CDH11: variants seen among roughly 807,000 people sequenced by gnomAD.
CDH11 encodes cadherin 11, also known as cadherin-11.
Under a neutral mutation model 67.8 loss-of-function variants are expected in CDH11, and 11 were observed. That is an observed-to-expected ratio of 0.16 (90% CI 0.10 to 0.27). The LOEUF (loss-of-function observed/expected upper bound fraction) is 0.27. Ranked by LOEUF, CDH11 falls within the 10% of genes least tolerant of loss-of-function variation. CDH11 has a pLI of 1.00. For missense variants in CDH11, 847 were observed against 1,031.2 expected, an observed-to-expected ratio of 0.82 and a Z score of 2.45; for synonymous variants, 419 against 400.0, an observed-to-expected ratio of 1.05 and a Z score of -0.57.
intron 11 of CDH11, among the ~76,000 whole-genome samples, chr16:64,962,710 C>T (rs1046219392): frequency 5.3e-5 from 8 of 152,126 alleles, no homozygotes; most frequent in Non-Finnish European, 1.0e-4. Context: ...TTTTGAAATA[C>T]GCCAGAGCAT....
rs541556413 is a variant in CDH11 at position 64,976,553 on chromosome 16, C to T, written c.1254-3513G>A. Among the ~76,000 whole-genome samples the T allele has an allele frequency of 5.9e-5, 9 of 152,246 alleles. No individual in the cohort carries two copies. In the East Asian group the frequency reaches 1.7e-3, roughly 29 times the overall value. ...AATTAGGAAGGGAAGATAAAAGACCCATTAGATAAAAAGTTTGGAGGCCTT... is the reference window on the plus strand; with the variant it reads ...AATTAGGAAGGGAAGATAAAAGACCTATTAGATAAAAAGTTTGGAGGCCTT... On this transcript the variant is annotated intron_variant, in intron 8 of 12. Transcript: ENST00000268603.
At chr16:65,078,028 T>C (rs183775870) in intron 1 of CDH11, among the ~76,000 whole-genome samples, 1 of 152,356 alleles carries the variant, frequency 6.6e-6, no homozygotes, top group East Asian at 1.9e-4. Flanking sequence ...ATTTGTGAAC[T>C]ATGATCACTT....
chr16:65,089,475 G>A (rs773005981), intron 1 of CDH11, among the ~76,000 whole-genome samples: 3 of 151,954 alleles, frequency 2.0e-5, no homozygotes, highest in Admixed American at 6.6e-5. Flanking sequence ...AACTATGAAA[G>A]AATGGTAAAA....
intron 2 of CDH11, among the ~76,000 whole-genome samples, chr16:65,033,103 C>T (rs1200099916): frequency 1.3e-5 from 2 of 152,142 alleles, no homozygotes; most frequent in Non-Finnish European, 2.9e-5. Flanking sequence ...CTGCCCATTA[C>T]GTGAAGCTTA....
intron 2 of CDH11, among the ~76,000 whole-genome samples, chr16:65,026,190 T>C (rs2073530712): frequency 6.6e-6 from 1 of 152,136 alleles, no homozygotes; most frequent in Non-Finnish European, 1.5e-5. Context: ...CTAATTAGCT[T>C]TTTTAATTGA....
intron 3 of CDH11, among the ~76,000 whole-genome samples, chr16:65,003,269 A>AT (rs1168981184): frequency 7.3e-5 from 11 of 151,312 alleles, no homozygotes; most frequent in Admixed American, 7.3e-4. Context: ...TTATTCATTC[A>AT]TTTTTTGAGA....
At position 64,982,265 on chromosome 16, in the gene CDH11, T is replaced by C. The variant is rs879111869; in HGVS notation, c.1036A>G (p.Lys346Glu). ...DFETKRAYSL[K>E]VEAANVHIDP... ...ATGTGCACGTTGGCTGCCTCTACCTTCAAGCTATAGGCTCTTTTGGTTTCA... is the reference window on the plus strand; with the variant it reads ...ATGTGCACGTTGGCTGCCTCTACCTCCAAGCTATAGGCTCTTTTGGTTTCA... The change falls in exon 8 of 13, where the codon AAG becomes GAG. Residue 346 changes from lysine to glutamate, a missense_variant. This residue lies in a region of CDH11 where 612 missense variants were observed against 678.7 expected (regional missense o/e 0.90). Transcript: ENST00000268603. 1 of 1,613,316 alleles carries C rather than the reference T, an allele frequency of 6.2e-7. No homozygotes were observed. Among genetic ancestry groups the C allele is most frequent in the Non-Finnish European group, 8.5e-7 (1 of 1,179,248 alleles).
chr16:64,957,448 A>G (rs2071545005), intron 11 of CDH11, among the ~76,000 whole-genome samples: 1 of 152,002 alleles, frequency 6.6e-6, no homozygotes, highest in Admixed American at 6.6e-5. Flanking sequence ...CCACATGAAA[A>G]GCTCCCACAC....
intron 3 of CDH11, among the ~76,000 whole-genome samples, chr16:65,002,576 T>C (rs1025153119): frequency 6.6e-6 from 1 of 152,242 alleles, no homozygotes; most frequent in Non-Finnish European, 1.5e-5. Flanking sequence ...ATGAATGAAA[T>C]TCCTTTGGTA....
chr16:64,980,903 C>T (rs766085238), intron 8 of CDH11, among the ~76,000 whole-genome samples: 25 of 151,812 alleles, frequency 1.6e-4, no homozygotes, highest in Admixed American at 3.3e-4. Context: ...GAAAAGAAAC[C>T]CCTGCTAGAA....
At chr16:65,057,899 C>T (rs2074172545) in intron 1 of CDH11, among the ~76,000 whole-genome samples, 1 of 152,146 alleles carries the variant, frequency 6.6e-6, no homozygotes, top group African/African-American at 2.4e-5. Flanking sequence ...ATGCCTATTC[C>T]CATGGTGTGT....
At chr16:65,111,872 C>A (rs1232543188) in intron 1 of CDH11, among the ~76,000 whole-genome samples, 1 of 151,870 alleles carries the variant, frequency 6.6e-6, no homozygotes, top group Non-Finnish European at 1.5e-5. Context: ...GAGTTCAAGA[C>A]CAGTCTGACC....
chr16:65,072,773 G>A (rs1226085969), intron 1 of CDH11, among the ~76,000 whole-genome samples: 19 of 152,134 alleles, frequency 1.2e-4, no homozygotes, highest in Admixed American at 1.2e-3. Context: ...TAAAGAGTGG[G>A]CTCTGGGCAA....
intron 3 of CDH11, 62 bp from the exon 4 acceptor site, chr16:64,998,918 A>G: frequency 7.3e-7 from 1 of 1,378,772 alleles, no homozygotes. Flanking sequence ...AAACTCACTT[A>G]CAAGTGATTG....
chr16:65,090,746 G>T (rs997778413), intron 1 of CDH11, among the ~76,000 whole-genome samples: 1 of 152,056 alleles, frequency 6.6e-6, no homozygotes, highest in African/African-American at 2.4e-5. Context: ...TATCCTAAAG[G>T]CTCCAAATTA....
intron 1 of CDH11, among the ~76,000 whole-genome samples, chr16:65,070,101 G>C (rs2074390755): frequency 6.6e-6 from 1 of 152,142 alleles, no homozygotes; most frequent in Admixed American, 6.5e-5. Context: ...TACGATTGTG[G>C]CAAATCCCTT....
chr16:65,004,349 G>A (rs2072996519), intron 3 of CDH11, among the ~76,000 whole-genome samples: 1 of 152,002 alleles, frequency 6.6e-6, no homozygotes, highest in African/African-American at 2.4e-5. Context: ...TGCCAGTCTG[G>A]GCAACAGAGA....
chr16:64,982,322 A>T, intron 7 of CDH11, 21 bp from the exon 8 acceptor site: 1 of 1,586,788 alleles, frequency 6.3e-7, no homozygotes, highest in Non-Finnish European at 8.6e-7. Context: ...TGAAGAGAAG[A>T]TTGACAACCA....
At chr16:64,954,936 T>A (rs2071464554) in intron 11 of CDH11, among the ~76,000 whole-genome samples, 1 of 121,890 alleles carries the variant, frequency 8.2e-6, no homozygotes, top group African/African-American at 3.0e-5. Context: ...AAACCCTCTC[T>A]CTACTAAAAA....
Sources: allele counts gnomAD v4.1 joint callset (sites outside exome capture counted in the v4.1 genomes callset), GRCh38; gene constraint gnomAD v4.1.1; regional missense constraint gnomAD v4.1.1; transcripts MANE v1.5; gene names NCBI Gene and HGNC (gene_info 2026-07-23, HGNC 2026-07-21).